EPS15: variants seen among roughly 807,000 people sequenced by gnomAD.
EPS15 encodes epidermal growth factor receptor pathway substrate 15.
In EPS15, 72 loss-of-function variants were observed where a neutral mutation model predicts 113.8. The observed-to-expected ratio is 0.63, with a 90% CI of 0.52 to 0.77. The LOEUF (loss-of-function observed/expected upper bound fraction) is 0.77, where lower values mean the gene tolerates loss of function less well. Among genes scored for constraint, EPS15 ranks in the 30% least tolerant of loss-of-function variants. The pLI, the probability that EPS15 is intolerant of heterozygous loss-of-function variation, is 0.00. For missense variants in EPS15, 1,048 were observed against 1,045.8 expected, an observed-to-expected ratio of 1.00 and a Z score of -0.03; for synonymous variants, 344 against 363.4, an observed-to-expected ratio of 0.95 and a Z score of 0.61.
chr1:51,447,112 G>A lies in EPS15; in HGVS notation c.652-7C>T, dbSNP rs749815398. The A allele has an allele frequency of 6.2e-5, 98 of 1,584,230 alleles. No homozygotes were observed. Among genetic ancestry groups the A allele is most frequent in the Non-Finnish European group, 7.5e-5 (88 of 1,171,262 alleles). ...CTGCAGGGGATACAACCCACTACAG[G>A]GAGGAAAAAAAACAGTATTTCTGCC... On this transcript the variant is annotated splice_region_variant and splice_polypyrimidine_tract_variant and intron_variant, in intron 9 of 24. Transcript: ENST00000371733.
intron 7 of EPS15, chr1:51,463,139 G>A (rs1441661765): frequency 6.6e-6 from 1 of 152,260 alleles, no homozygotes; most frequent in Non-Finnish European, 1.5e-5. Flanking sequence ...GCCTCCGAAA[G>A]TGCTGGGATT....
At chr1:51,486,339 T>C (rs1644121719) in intron 1 of EPS15, among the ~76,000 whole-genome samples, 3 of 149,728 alleles carry the variant, frequency 2.0e-5, no homozygotes, top group African/African-American at 7.4e-5. Context: ...GCAGCAGAAT[T>C]GCTTTAAGCC....
chr1:51,372,148 G>A (rs1271778667), intron 21 of EPS15: 1 of 374,684 alleles, frequency 2.7e-6, no homozygotes, highest in Non-Finnish European at 5.2e-6. Flanking sequence ...ATTCATACCT[G>A]CCCATGCACA....
At chr1:51,397,531 A>G (rs1648077030) in intron 20 of EPS15, among the ~76,000 whole-genome samples, 1 of 152,100 alleles carries the variant, frequency 6.6e-6, no homozygotes, top group Admixed American at 6.5e-5. Context: ...GTGAGAGGAG[A>G]AGAATTCCAG....
At chr1:51,496,814 A>G (rs879387275) in intron 1 of EPS15, among the ~76,000 whole-genome samples, 2 of 152,208 alleles carry the variant, frequency 1.3e-5, no homozygotes, top group African/African-American at 4.8e-5. Context: ...ACTGGATAAC[A>G]TATCAACTTC....
chr1:51,497,043 A>G (rs1316555266), intron 1 of EPS15, among the ~76,000 whole-genome samples: 1 of 152,224 alleles, frequency 6.6e-6, no homozygotes, highest in Non-Finnish European at 1.5e-5. Context: ...GAATAACAAG[A>G]AATCTTCTGC....
At chr1:51,368,164 T>G (rs1005313041) in intron 21 of EPS15, among the ~76,000 whole-genome samples, 1 of 152,086 alleles carries the variant, frequency 6.6e-6, no homozygotes, top group Non-Finnish European at 1.5e-5. Flanking sequence ...AAAAGAAAAG[T>G]TATCCTCAAA....
chr1:51,406,422 C>T (rs1486713702), intron 15 of EPS15, among the ~76,000 whole-genome samples: 2 of 152,090 alleles, frequency 1.3e-5, no homozygotes, highest in Non-Finnish European at 2.9e-5. Flanking sequence ...CTGCAGTGAG[C>T]CATGATCACA....
At chr1:51,436,972 G>C (rs1652199422) in intron 12 of EPS15, among the ~76,000 whole-genome samples, 1 of 151,924 alleles carries the variant, frequency 6.6e-6, no homozygotes, top group African/African-American at 2.4e-5. Flanking sequence ...TTCGATGAGT[G>C]TTATATTACA....
chr1:51,501,593 C>T (rs891395570), intron 1 of EPS15, among the ~76,000 whole-genome samples: 2 of 151,608 alleles, frequency 1.3e-5, no homozygotes, highest in African/African-American at 2.4e-5. Context: ...ATTCTCCTGC[C>T]TCAGCCTCAT....
chr1:51,485,261 G>C (rs2148528284), intron 1 of EPS15, among the ~76,000 whole-genome samples: 1 of 152,276 alleles, frequency 6.6e-6, no homozygotes, highest in Non-Finnish European at 1.5e-5. Context: ...TAGTGCAACA[G>C]AGCAATATGT....
intron 24 of EPS15, among the ~76,000 whole-genome samples, chr1:51,358,686 T>G (rs2148339099): frequency 6.6e-6 from 1 of 151,280 alleles, no homozygotes; most frequent in South Asian, 2.1e-4. Flanking sequence ...CAAGACTCCT[T>G]CCAACCAGAT....
In EPS15 at chr1:51,413,441, A is replaced by G. The variant is rs113182092; in HGVS notation, c.1114-3745T>C. ...CACATTCCAGGGGCTTAATTAAGCAATTACTGTAACTATCATAGGATTTTA... is the reference window on the plus strand; with the variant it reads ...CACATTCCAGGGGCTTAATTAAGCAGTTACTGTAACTATCATAGGATTTTA... On this transcript the variant is annotated intron_variant, in intron 13 of 24. Transcript: ENST00000371733. Among the ~76,000 whole-genome samples the G allele has an allele frequency of 7.1e-3, 1,080 of 152,332 alleles. 7 individuals carry two copies. Among genetic ancestry groups the G allele is most frequent in the African/African-American group, 0.025 (1,037 of 41,580 alleles).
chr1:51,505,929 C>T (rs975289653), intron 1 of EPS15, among the ~76,000 whole-genome samples: 1 of 152,006 alleles, frequency 6.6e-6, no homozygotes, highest in African/African-American at 2.4e-5. Flanking sequence ...CTCTGTCACC[C>T]AGGCTGGATT....
At chr1:51,402,065 A>C (rs1359244401) in intron 18 of EPS15, among the ~76,000 whole-genome samples, 2 of 152,256 alleles carry the variant, frequency 1.3e-5, no homozygotes, top group African/African-American at 2.4e-5. Context: ...TGAATCCGGG[A>C]GGCAGAAGTT....
chr1:51,480,478 T>C (rs1644000489), intron 2 of EPS15, among the ~76,000 whole-genome samples: 1 of 152,230 alleles, frequency 6.6e-6, no homozygotes, highest in Non-Finnish European at 1.5e-5. Context: ...TGGTGAAGTA[T>C]GTAAATCTCT....
chr1:51,357,423 TA>T (rs1170076192), intron 24 of EPS15, among the ~76,000 whole-genome samples: 3,423 of 67,864 alleles, frequency 0.05, 60 homozygotes, highest in East Asian at 0.061. Flanking sequence ...TATATATATA[TA>T]TATTTTTTTT....
At position 51,407,996 on chromosome 1, in the gene EPS15, A is replaced by G. The variant is rs1471338780; in HGVS notation, c.1473+139T>C. The G allele has an allele frequency of 5.7e-5, 41 of 714,218 alleles. No individual in the cohort carries two copies. In the East Asian group the frequency reaches 9.7e-4, roughly 17 times the overall value. The allele number at this position is 714,218 out of a possible 1,614,324, so 44.2% of individuals were successfully genotyped here. A position where few individuals can be genotyped will look rare whatever the true frequency, so the allele number is the denominator to read the frequency against. ...AGTTTCAATATATAACAGGTGACAA[A>G]AAAACCTATTGTATAAAATGACTGA... On this transcript the variant is annotated intron_variant, in intron 15 of 24. Coordinates refer to ENST00000371733, the MANE Select transcript of EPS15 (RefSeq NM_001981.3).
chr1:51,376,296 T>C (rs77210715), intron 21 of EPS15, among the ~76,000 whole-genome samples: 9,592 of 152,226 alleles, frequency 0.063, 962 homozygotes, highest in African/African-American at 0.21. Flanking sequence ...AGCACAGCTG[T>C]TTATGGCATG....
Sources: allele counts gnomAD v4.1 joint callset (sites outside exome capture counted in the v4.1 genomes callset), GRCh38; gene constraint gnomAD v4.1.1; transcripts MANE v1.5; gene names NCBI Gene and HGNC (gene_info 2026-07-23, HGNC 2026-07-21).